The following SLC26A7 variants were observed in gnomAD, a reference collection of about 807,000 sequenced individuals.
The protein encoded by SLC26A7 is solute carrier family 26 member 7.
In SLC26A7, 59 loss-of-function variants were observed where a neutral mutation model predicts 82.5. The ratio of observed to expected loss-of-function variants is 0.72; its 90% CI spans 0.58 to 0.89. The LOEUF is 0.89. Among genes scored for constraint, SLC26A7 ranks in the 40% least tolerant of loss-of-function variants. The pLI is 0.00. For missense variants in SLC26A7, 820 were observed against 793.0 expected (o/e 1.03, Z -0.41); for synonymous variants, 271 against 274.3 (o/e 0.99, Z 0.12).
chr8:91,369,718 G>T, intron 14 of SLC26A7, 67 bp from the exon 15 acceptor site: 1 of 1,173,252 alleles, frequency 8.5e-7, no homozygotes, highest in Non-Finnish European at 1.2e-6. Flanking sequence ...AAAGAATTAT[G>T]TGATTTTTTT....
chr8:91,212,776 G>T (rs760753940), intron 1 of SLC26A7, among the ~76,000 whole-genome samples: 6 of 152,104 alleles, frequency 3.9e-5, no homozygotes, highest in Non-Finnish European at 5.9e-5. Flanking sequence ...GGATCAGAAA[G>T]CATCACATTT....
At chr8:91,337,518 G>A (rs1813276368) in intron 6 of SLC26A7, among the ~76,000 whole-genome samples, 1 of 152,152 alleles carries the variant, frequency 6.6e-6, no homozygotes, top group African/African-American at 2.4e-5. Flanking sequence ...GGTATAGGCA[G>A]GGAACATGTA....
At chr8:91,362,487 A>T in intron 12 of SLC26A7, 28 bp downstream of exon 12, 1 of 1,567,558 alleles carries the variant, frequency 6.4e-7, no homozygotes, top group Non-Finnish European at 8.8e-7. Flanking sequence ...TGCTCTGTTT[A>T]TTTTTGCACA....
intron 2 of SLC26A7, among the ~76,000 whole-genome samples, chr8:91,287,902 C>A (rs1360088120): frequency 6.6e-6 from 1 of 152,188 alleles, no homozygotes; most frequent in Non-Finnish European, 1.5e-5. Context: ...AATTCTAGAA[C>A]AGCCTCTGCC....
intron 4 of SLC26A7, among the ~76,000 whole-genome samples, chr8:91,315,330 G>A (rs963588495): frequency 3.3e-5 from 5 of 152,070 alleles, no homozygotes; most frequent in African/African-American, 7.2e-5. Flanking sequence ...TGGCCTGTAA[G>A]AGTTAATGTC....
At chr8:91,394,733 T>C (rs1237598089) in intron 18 of SLC26A7, 2 of 1,102,522 alleles carry the variant, frequency 1.8e-6, no homozygotes, top group African/African-American at 3.2e-5. Flanking sequence ...CCTCATTATA[T>C]TCCAGGAATA....
intron 15 of SLC26A7, among the ~76,000 whole-genome samples, chr8:91,372,473 A>G (rs1814391479): frequency 1.3e-5 from 2 of 151,912 alleles, no homozygotes; most frequent in African/African-American, 2.4e-5. Context: ...TCCCAGCACC[A>G]TTTTTGAATA....
At chr8:91,345,159 G>C (rs1205445125) in intron 9 of SLC26A7, among the ~76,000 whole-genome samples, 1 of 151,708 alleles carries the variant, frequency 6.6e-6, no homozygotes, top group Non-Finnish European at 1.5e-5. Context: ...TTGTTGACCA[G>C]GCTTATTTTG....
intron 2 of SLC26A7, among the ~76,000 whole-genome samples, chr8:91,230,253 A>G (rs1810293959): frequency 6.6e-6 from 1 of 152,228 alleles, no homozygotes; most frequent in South Asian, 2.1e-4. Flanking sequence ...AGCTGCTATG[A>G]ACCAAAGCAT....
At chr8:91,348,627 T>A (rs1263177022) in intron 9 of SLC26A7, among the ~76,000 whole-genome samples, 1 of 152,130 alleles carries the variant, frequency 6.6e-6, no homozygotes, top group Non-Finnish European at 1.5e-5. Flanking sequence ...CTAGCCAGTG[T>A]TTGCCCAGTG....
At chr8:91,360,938 A>G (rs994121706) in intron 11 of SLC26A7, among the ~76,000 whole-genome samples, 1 of 152,144 alleles carries the variant, frequency 6.6e-6, no homozygotes, top group African/African-American at 2.4e-5. Context: ...AAAAACACAC[A>G]CTATATAAAC....
At chr8:91,287,920 C>G (rs1167728193) in intron 2 of SLC26A7, among the ~76,000 whole-genome samples, 1 of 152,170 alleles carries the variant, frequency 6.6e-6, no homozygotes, top group Non-Finnish European at 1.5e-5. Flanking sequence ...GCCACTGACT[C>G]TTCTATAATC....
At chr8:91,265,744 T>G (rs575268726) in intron 2 of SLC26A7, among the ~76,000 whole-genome samples, 1 of 152,062 alleles carries the variant, frequency 6.6e-6, no homozygotes, top group African/African-American at 2.4e-5. Flanking sequence ...ATTATTTGGA[T>G]TTTCTTTGTG....
In SLC26A7 at chr8:91,318,304, A is replaced by G. The variant is rs1586403309; in HGVS notation, c.566A>G (p.His189Arg). Residue 189 changes from histidine (H) to arginine (R), a missense_variant, in exon 5 of 19, where the codon CAT becomes CGT. Transcript: ENST00000276609. ...ISAMTTGAAT[H>R]VVTSQVKYLL... The stretch of plus-strand genomic sequence containing the variant: ...GCAATGACAACTGGGGCTGCCACCC[A>G]TGTGGTGACTTCACAAGTCAAATAT... The G allele has an allele frequency of 6.2e-7, 1 of 1,612,360 alleles. No homozygotes were observed. Among genetic ancestry groups the G allele is most frequent in the Non-Finnish European group, 8.5e-7 (1 of 1,179,144 alleles).
intron 5 of SLC26A7, among the ~76,000 whole-genome samples, chr8:91,331,294 A>G (rs1444441175): frequency 6.6e-6 from 1 of 152,188 alleles, no homozygotes; most frequent in Non-Finnish European, 1.5e-5. Flanking sequence ...ACTTAGCATT[A>G]TAACAGGAAG....
intron 2 of SLC26A7, among the ~76,000 whole-genome samples, chr8:91,274,164 A>G (rs1165902221): frequency 2.0e-5 from 3 of 152,190 alleles, no homozygotes; most frequent in Non-Finnish European, 4.4e-5. Context: ...AGTACAAAGG[A>G]AATGTTCAAT....
chr8:91,372,988 T>A (rs910453662), intron 15 of SLC26A7, among the ~76,000 whole-genome samples: 5 of 152,054 alleles, frequency 3.3e-5, no homozygotes, highest in African/African-American at 1.2e-4. Context: ...TTGTGGCAGT[T>A]GTAAATAGGA....
In SLC26A7 at chr8:91,249,701, A is replaced by G. The variant is rs745876636; in HGVS notation, c.50A>G (p.His17Arg). 5.0e-6 allele frequency: 8 copies of G among 1,588,778 alleles called. No individual in the cohort carries two copies. Among genetic ancestry groups the G allele is most frequent in the South Asian group, 4.6e-5 (4 of 86,688 alleles). ...KKKSMLWSKMHTPQCEDIIQW... is the reference protein window; with the variant it reads ...KKKSMLWSKMRTPQCEDIIQW... ...AAAAGCATGCTTTGGAGCAAGATGC[A>G]TACCCCCCAGTGTGAAGACATTATA... is the stretch of plus-strand genomic sequence containing the variant. Residue 17 changes from histidine (H) to arginine (R), a missense_variant, in exon 2 of 19, where the codon CAT (histidine) becomes CGT (arginine). Transcript: ENST00000276609.
chr8:91,215,211 T>C (rs1810021593), intron 1 of SLC26A7, among the ~76,000 whole-genome samples: 1 of 152,152 alleles, frequency 6.6e-6, no homozygotes, highest in Non-Finnish European at 1.5e-5. Flanking sequence ...AATTAGGATG[T>C]GGACATCTTT....
Sources: allele counts gnomAD v4.1 joint callset (sites outside exome capture counted in the v4.1 genomes callset), GRCh38; gene constraint gnomAD v4.1.1; transcripts MANE v1.5; gene names NCBI Gene and HGNC (gene_info 2026-07-23, HGNC 2026-07-21).